ANXA8: variants seen among roughly 807,000 people sequenced by gnomAD.
ANXA8 encodes the protein annexin A8.
ANXA8 carries 9 observed loss-of-function variants against 26.8 expected under a neutral mutation model. The observed-to-expected ratio is 0.34, with a 90% CI of 0.20 to 0.59. ANXA8 has a LOEUF of 0.59. Ranked by LOEUF, ANXA8 falls within the 20% of genes least tolerant of loss-of-function variation. The pLI is 0.84. For missense variants in ANXA8, 83 were observed against 238.5 expected, an observed-to-expected ratio of 0.35 and a Z score of 4.29; for synonymous variants, 39 against 94.8, an observed-to-expected ratio of 0.41 and a Z score of 3.42.
chr10:47,955,316 C>G, the ANXA8 span, among the ~76,000 whole-genome samples: 1 of 149,990 alleles, frequency 6.7e-6, no homozygotes, highest in Non-Finnish European at 1.5e-5. Flanking sequence ...GGGTATGTCT[C>G]TATCAGCAGC....
At chr10:47,916,659 G>C in the ANXA8 span, among the ~76,000 whole-genome samples, 1 of 136,778 alleles carries the variant, frequency 7.3e-6, no homozygotes, top group African/African-American at 2.5e-5. Flanking sequence ...GCTTCTGCCT[G>C]GCAAGGGAGC....
chr10:47,741,568 A>AT, the ANXA8 span, among the ~76,000 whole-genome samples: 1 of 98,752 alleles, frequency 1.0e-5, no homozygotes, highest in Non-Finnish European at 2.0e-5. Context: ...TTTAAATATC[A>AT]TGAGGGAAAT....
chr10:47,669,236 CTTTA>C, the ANXA8 span, among the ~76,000 whole-genome samples: 1 of 151,286 alleles, frequency 6.6e-6, no homozygotes, highest in African/African-American at 2.4e-5. Flanking sequence ...AGCCAGCCTT[CTTTA>C]TTTAGTGCTC....
At chr10:47,736,922 T>C in the ANXA8 span, among the ~76,000 whole-genome samples, 9 of 151,796 alleles carry the variant, frequency 5.9e-5, 1 homozygote, top group African/African-American at 2.2e-4. Context: ...CCCAAAGTAC[T>C]GAGACTACAG....
At chr10:47,603,487 T>A in the ANXA8 span, among the ~76,000 whole-genome samples, 1 of 147,952 alleles carries the variant, frequency 6.8e-6, no homozygotes, top group Non-Finnish European at 1.5e-5. Flanking sequence ...TGTTTATATT[T>A]CATTCACGTT....
chr10:47,551,393 G>C, the ANXA8 span, among the ~76,000 whole-genome samples: 871 of 151,010 alleles, frequency 5.8e-3, 12 homozygotes, highest in African/African-American at 0.021. Context: ...ACTAAATAAA[G>C]CTATGTTAGT....
At chr10:47,496,952 T>C in the ANXA8 span, among the ~76,000 whole-genome samples, 2 of 138,958 alleles carry the variant, frequency 1.4e-5, no homozygotes, top group African/African-American at 5.5e-5. Context: ...ATACTATCTT[T>C]CCCCCTCATA....
the ANXA8 span, among the ~76,000 whole-genome samples, chr10:47,654,170 TG>T: frequency 6.6e-6 from 1 of 150,800 alleles, no homozygotes; most frequent in Non-Finnish European, 1.5e-5. Context: ...TTCAGTGTAG[TG>T]GGTTGTCATG....
At chr10:47,698,836 A>AT in the ANXA8 span, among the ~76,000 whole-genome samples, 1 of 151,828 alleles carries the variant, frequency 6.6e-6, no homozygotes, top group African/African-American at 2.4e-5. Flanking sequence ...CTCAAAAAAA[A>AT]TTTTTTTCTT....
At chr10:47,669,515 T>C in the ANXA8 span, among the ~76,000 whole-genome samples, 1 of 150,726 alleles carries the variant, frequency 6.6e-6, no homozygotes, top group East Asian at 1.9e-4. Context: ...ATCTGGGAGT[T>C]TGAGAGAAGC....
At chr10:47,776,876 T>C in the ANXA8 span, among the ~76,000 whole-genome samples, 2 of 151,582 alleles carry the variant, frequency 1.3e-5, no homozygotes, top group Non-Finnish European at 2.9e-5. Flanking sequence ...AGGTTTTTTT[T>C]TCCCCATCTT....
chr10:47,588,061 G>A, the ANXA8 span, among the ~76,000 whole-genome samples: 1 of 143,974 alleles, frequency 6.9e-6, no homozygotes, highest in Non-Finnish European at 1.5e-5. Context: ...ATATAAACCA[G>A]CAAGGAACAA....
At chr10:47,969,747 G>C in the ANXA8 span, among the ~76,000 whole-genome samples, 57 of 150,192 alleles carry the variant, frequency 3.8e-4, 1 homozygote, top group Middle Eastern at 7.0e-3. Context: ...ATGGGGTCTC[G>C]CTTTGTTGCC....
At chr10:47,944,564 T>C in the ANXA8 span, among the ~76,000 whole-genome samples, 1 of 150,696 alleles carries the variant, frequency 6.6e-6, no homozygotes, top group Admixed American at 6.6e-5. Context: ...AGGGGCCTGG[T>C]GGGAGGTAAT....
At chr10:47,686,807 T>A in the ANXA8 span, among the ~76,000 whole-genome samples, 3 of 152,054 alleles carry the variant, frequency 2.0e-5, no homozygotes, top group East Asian at 5.8e-4. Context: ...TGGATTTGGC[T>A]TCTAGAAGGT....
chr10:47,469,703 G>A (rs1410613400), intron 11 of ANXA8, among the ~76,000 whole-genome samples: 4 of 151,200 alleles, frequency 2.6e-5, no homozygotes, highest in African/African-American at 7.3e-5. Context: ...CAAGAGAGGG[G>A]AGTGAATTCA....
At chr10:47,703,231 A>C in the ANXA8 span, among the ~76,000 whole-genome samples, 1 of 151,754 alleles carries the variant, frequency 6.6e-6, no homozygotes, top group African/African-American at 2.4e-5. Flanking sequence ...TCTTCCTTCC[A>C]ATGGAATTCC....
At chr10:47,485,273 G>C (rs1403268394), upstream of ANXA8, among the ~76,000 whole-genome samples, 1 of 151,932 alleles carries the variant, frequency 6.6e-6, no homozygotes, top group Non-Finnish European at 1.5e-5. Flanking sequence ...TTTATCCTTT[G>C]GGCACCTGTG....
the ANXA8 span, among the ~76,000 whole-genome samples, chr10:47,636,617 T>C: frequency 1.4e-5 from 2 of 145,374 alleles, no homozygotes; most frequent in Non-Finnish European, 3.0e-5. Flanking sequence ...AACATACTTA[T>C]TCACCTCCAA....
Sources: allele counts gnomAD v4.1 joint callset (sites outside exome capture counted in the v4.1 genomes callset), GRCh38; gene constraint gnomAD v4.1.1; transcripts MANE v1.5; gene names NCBI Gene and HGNC (gene_info 2026-07-23, HGNC 2026-07-21).